Variants in CCDC171 observed in about 807,000 individuals in gnomAD.
The protein encoded by CCDC171 is coiled-coil domain containing 171.
A neutral mutation model predicts 168.2 loss-of-function variants in CCDC171; 177 were observed. The observed-to-expected ratio is 1.05, with a 90% CI of 0.93 to 1.19. The LOEUF (loss-of-function observed/expected upper bound fraction) is 1.19. CCDC171 is among the 50% of genes most tolerant of loss of function. The probability of loss-of-function intolerance (pLI) is 0.00; values close to 1 mark genes in which losing one functional copy is unlikely to be tolerated. For missense variants in CCDC171, 1,991 were observed against 1,539.0 expected, an observed-to-expected ratio of 1.29 and a Z score of -4.91; for synonymous variants, 687 against 540.8, an observed-to-expected ratio of 1.27 and a Z score of -3.75.
At chr9:15,917,966 A>G (rs529164430) in intron 24 of CCDC171, among the ~76,000 whole-genome samples, 16 of 151,848 alleles carry the variant, frequency 1.1e-4, no homozygotes, top group Non-Finnish European at 1.2e-4. Context: ...TAAAAATAGA[A>G]CAATAGTAAT....
At chr9:16,080,318 G>A in the CCDC171 span, among the ~76,000 whole-genome samples, 1 of 152,184 alleles carries the variant, frequency 6.6e-6, no homozygotes. Context: ...CCCCCAGTAT[G>A]TTAGGGCTTT....
intron 7 of CCDC171, among the ~76,000 whole-genome samples, chr9:15,635,012 A>G (rs898538055): frequency 2.0e-5 from 3 of 152,128 alleles, no homozygotes; most frequent in Non-Finnish European, 4.4e-5. Flanking sequence ...TCTGTTGTGT[A>G]ATATATATTT....
At chr9:15,794,973 T>C (rs1276542859) in intron 21 of CCDC171, among the ~76,000 whole-genome samples, 1 of 152,234 alleles carries the variant, frequency 6.6e-6, no homozygotes, top group African/African-American at 2.4e-5. Context: ...TTTGCTAACA[T>C]GAAAGGACTT....
At chr9:15,734,949 C>G (rs1588198337) in intron 16 of CCDC171, among the ~76,000 whole-genome samples, 1 of 151,884 alleles carries the variant, frequency 6.6e-6, no homozygotes, top group Non-Finnish European at 1.5e-5. Context: ...TTCTTAGAGT[C>G]TTATGTTTAA....
chr9:15,642,418 CCTTT>C (rs887902964), intron 7 of CCDC171, among the ~76,000 whole-genome samples: 82 of 136,402 alleles, frequency 6.0e-4, no homozygotes, highest in Non-Finnish European at 4.7e-5. Flanking sequence ...CGCTTTCTGC[CCTTT>C]CTTTGTTGAT....
At chr9:15,832,065 G>C (rs1161311339) in intron 21 of CCDC171, among the ~76,000 whole-genome samples, 1 of 151,782 alleles carries the variant, frequency 6.6e-6, no homozygotes, top group South Asian at 2.1e-4. Flanking sequence ...TTTTCCTTAG[G>C]GTGTCTTTAT....
chr9:16,061,653 C>T (rs969135117), downstream of CCDC171: 3 of 152,156 alleles, frequency 2.0e-5, no homozygotes, highest in Admixed American at 1.3e-4. Flanking sequence ...AAAATAACTG[C>T]CTTTATTGAA....
chr9:15,909,781 T>C (rs1823341117), intron 24 of CCDC171, among the ~76,000 whole-genome samples: 1 of 152,192 alleles, frequency 6.6e-6, no homozygotes, highest in Non-Finnish European at 1.5e-5. Flanking sequence ...AAATTTCCTT[T>C]AATTCCTGGT....
intron 21 of CCDC171, among the ~76,000 whole-genome samples, chr9:15,822,970 T>G (rs1226387189): frequency 6.6e-6 from 1 of 152,132 alleles, no homozygotes; most frequent in Non-Finnish European, 1.5e-5. Context: ...ATTAAGAAAT[T>G]GTGGCACATA....
intron 21 of CCDC171, among the ~76,000 whole-genome samples, chr9:15,832,430 A>G (rs2060271935): frequency 6.6e-6 from 1 of 152,210 alleles, no homozygotes; most frequent in Non-Finnish European, 1.5e-5. Flanking sequence ...CCTACATAGT[A>G]TACCCTTCTA....
intron 21 of CCDC171, among the ~76,000 whole-genome samples, chr9:15,822,933 C>T (rs1208706128): frequency 2.0e-5 from 3 of 152,102 alleles, no homozygotes; most frequent in Admixed American, 1.3e-4. Flanking sequence ...TTGGAACCAA[C>T]CCAAATGTCC....
intron 6 of CCDC171, among the ~76,000 whole-genome samples, chr9:15,608,987 T>TA (rs68110531): frequency 5.7e-5 from 8 of 140,342 alleles, no homozygotes; most frequent in African/African-American, 2.0e-4. Context: ...GGTTTTTTTT[T>TA]AAAAAATATA....
intron 3 of CCDC171, among the ~76,000 whole-genome samples, chr9:15,989,271 A>G (rs547416020): frequency 2.6e-5 from 4 of 151,560 alleles, no homozygotes; most frequent in African/African-American, 7.3e-5. Flanking sequence ...ACTGTCAGCA[A>G]TACTCACTAT....
In CCDC171 at chr9:15,991,711, A is replaced by G. The variant is rs565267574; in HGVS notation, n.369-28878A>G. The stretch of plus-strand genomic sequence containing the variant: ...ACTAATAAAGAATAAAAGAGAGAAG[A>G]ATCAAATAGATGCAATAAAAAATGA... On this transcript the variant is annotated intron_variant and non_coding_transcript_variant, in intron 3 of 9. Transcript: ENST00000486641. Among the ~76,000 whole-genome samples the G allele has an allele frequency of 2.0e-5, 3 of 152,288 alleles. No homozygotes were observed. In the East Asian group the frequency reaches 5.8e-4, roughly 29 times the overall value.
At chr9:15,744,122 A>T in intron 16 of CCDC171, 151 bp from the exon 17 acceptor site, 7 of 641,248 alleles carry the variant, frequency 1.1e-5, no homozygotes, top group Non-Finnish European at 1.8e-5. Flanking sequence ...TGCCATGTCT[A>T]TCTTATTTAT....
chr9:15,611,357 C>A (rs765077966), intron 6 of CCDC171, among the ~76,000 whole-genome samples: 2 of 152,166 alleles, frequency 1.3e-5, no homozygotes, highest in Admixed American at 6.5e-5. Flanking sequence ...CCGCAAATGT[C>A]CGGTGATTCT....
chr9:15,899,664 C>G (rs1449021715), intron 24 of CCDC171, among the ~76,000 whole-genome samples: 1 of 152,072 alleles, frequency 6.6e-6, no homozygotes, highest in Non-Finnish European at 1.5e-5. Context: ...TTTGTATATT[C>G]TCTTTCGTAA....
At chr9:15,703,382 GT>G (rs1333333001) in intron 11 of CCDC171, among the ~76,000 whole-genome samples, 4 of 152,156 alleles carry the variant, frequency 2.6e-5, no homozygotes, top group Non-Finnish European at 5.9e-5. Context: ...GCGAATCCTT[GT>G]TTATATCCAT....
At chr9:15,759,205 CT>C (rs1286282659) in intron 18 of CCDC171, among the ~76,000 whole-genome samples, 6 of 152,108 alleles carry the variant, frequency 3.9e-5, no homozygotes, top group African/African-American at 1.4e-4. Flanking sequence ...AGGTTTATAT[CT>C]TCATTTAAAA....
Sources: allele counts gnomAD v4.1 joint callset (sites outside exome capture counted in the v4.1 genomes callset), GRCh38; gene constraint gnomAD v4.1.1; transcripts MANE v1.5; gene names NCBI Gene and HGNC (gene_info 2026-07-23, HGNC 2026-07-21).